ATP6V1A: variants seen among roughly 807,000 people sequenced by gnomAD.
ATP6V1A encodes ATPase H+ transporting V1 subunit A.
Under a neutral mutation model 70.1 loss-of-function variants are expected in ATP6V1A, and 18 were observed. The ratio of observed to expected loss-of-function variants is 0.26; its 90% confidence interval spans 0.18 to 0.38. ATP6V1A has a LOEUF of 0.38. Among genes scored for constraint, ATP6V1A ranks in the 10% least tolerant of loss-of-function variants. The pLI, the probability that ATP6V1A is intolerant of heterozygous loss-of-function variation, is 1.00. For missense variants in ATP6V1A, 424 were observed against 772.4 expected (o/e 0.55, Z 5.35); for synonymous variants, 232 against 253.8 (o/e 0.91, Z 0.82).
intron 1 of ATP6V1A, among the ~76,000 whole-genome samples, chr3:113,750,161 T>G (rs577629198): frequency 4.9e-4 from 74 of 152,316 alleles, no homozygotes; most frequent in African/African-American, 1.8e-3. Flanking sequence ...CTTAGGAACC[T>G]TCCTATGACA....
intron 1 of ATP6V1A, among the ~76,000 whole-genome samples, chr3:113,767,817 A>AT (rs1208293897): frequency 6.6e-6 from 1 of 151,966 alleles, no homozygotes; most frequent in Admixed American, 6.6e-5. Context: ...TGCCCAGCTA[A>AT]TGTTTTTGTA....
Position 113,810,345 on chromosome 3 carries a change from G to C in ATP6V1A, c.*918G>C, listed in dbSNP as rs1023322584. The C allele has an allele frequency of 6.6e-6, 1 of 151,676 alleles. No individual in the cohort carries two copies. Among genetic ancestry groups the C allele is most frequent in the Non-Finnish European group, 1.5e-5 (1 of 67,952 alleles). The allele number at this position is 151,676 out of a possible 1,614,324, so 9.4% of individuals were successfully genotyped here. A position where few individuals can be genotyped will look rare whatever the true frequency, so the allele number is the denominator to read the frequency against. ...GCGTGAGCCACCGCGCCTGGCCAGG[G>C]ACTATACTCTTTTTAAAATAGACAT... On this transcript the variant is annotated 3_prime_UTR_variant, in exon 15 of 15. Coordinates refer to ENST00000273398, the MANE Select transcript of ATP6V1A (RefSeq NM_001690.4).
chr3:113,794,182 A>G (rs936341924), intron 8 of ATP6V1A, among the ~76,000 whole-genome samples: 2 of 152,222 alleles, frequency 1.3e-5, no homozygotes, highest in African/African-American at 4.8e-5. Flanking sequence ...AATCTGGACA[A>G]TTAAGATATT....
At chr3:113,776,227 C>T (rs1205272920) in intron 1 of ATP6V1A, among the ~76,000 whole-genome samples, 2 of 143,122 alleles carry the variant, frequency 1.4e-5, no homozygotes, top group Non-Finnish European at 3.1e-5. Context: ...GATGTGGTGT[C>T]GTGTGCTTGT....
At position 113,805,427 on chromosome 3, in the gene ATP6V1A, G is replaced by C. The variant is rs748853283; in HGVS notation, c.1663G>C (p.Val555Leu). ...IAFYDMARRA[V>L]ETTAQSDNKI... ...ATTTTATGATATGGCTCGTAGAGCT[G>C]TTGAAACCACTGCCCAGAGTGACAA... Residue 555 changes from valine (V) to leucine (L), a missense_variant, in exon 14 of 15, where the codon GTT becomes CTT. By Grantham distance (32) the Val-to-Leu change is conservative (BLOSUM62 1). This residue lies in a region of ATP6V1A where 127 missense variants were observed against 207.9 expected (regional missense o/e 0.61). Transcript: ENST00000273398. The C allele has an allele frequency of 6.2e-7, 1 of 1,613,902 alleles. No individual in the cohort carries two copies. The highest frequency in any genetic ancestry group is 8.5e-7 in the Non-Finnish European group (1 of 1,179,850).
intron 1 of ATP6V1A, among the ~76,000 whole-genome samples, chr3:113,777,926 C>CA (rs1203522741): frequency 6.6e-6 from 1 of 152,102 alleles, no homozygotes; most frequent in Non-Finnish European, 1.5e-5. Context: ...CTGGATAAGT[C>CA]AGAGAGGTCA....
At chr3:113,806,718 C>G (rs1452043757) in intron 14 of ATP6V1A, among the ~76,000 whole-genome samples, 1 of 152,170 alleles carries the variant, frequency 6.6e-6, no homozygotes, top group Admixed American at 6.5e-5. Context: ...CCTCGGCCTC[C>G]CGAAGTGCTG....
Position 113,795,004 on chromosome 3 carries a change from T to C in ATP6V1A, c.1111+10T>C, listed in dbSNP as rs1193289212. ...GCTGAAATGCCTGCAGGTAAGTCTG[T>C]GTATTGCTTATCATGTAAACAAGAC... On this transcript the variant is annotated intron_variant, in intron 9 of 14. Transcript: ENST00000273398. The C allele has an allele frequency of 3.7e-6, 6 of 1,613,648 alleles. No individual in the cohort carries two copies. The highest frequency in any genetic ancestry group is 2.2e-5 in the East Asian group (1 of 44,886).
intron 14 of ATP6V1A, among the ~76,000 whole-genome samples, chr3:113,808,070 C>G (rs1485554411): frequency 6.8e-6 from 1 of 147,956 alleles, no homozygotes; most frequent in African/African-American, 2.5e-5. Context: ...GTGGAGGTTG[C>G]GGTGAGCTGA....
At chr3:113,767,086 C>CTTTTTTTT (rs369126041) in intron 1 of ATP6V1A, among the ~76,000 whole-genome samples, 4 of 107,840 alleles carry the variant, frequency 3.7e-5, no homozygotes, top group Non-Finnish European at 7.5e-5. Context: ...GATGTTATGT[C>CTTTTTTTT]TTTTTTTTTT....
intron 1 of ATP6V1A, among the ~76,000 whole-genome samples, chr3:113,749,348 G>T (rs1201051172): frequency 6.6e-6 from 1 of 151,662 alleles, no homozygotes; most frequent in South Asian, 2.1e-4. Flanking sequence ...AGCCTTATCA[G>T]TTTATGAGTG....
At chr3:113,789,238 G>A (rs1467848304) in intron 7 of ATP6V1A, among the ~76,000 whole-genome samples, 4 of 152,000 alleles carry the variant, frequency 2.6e-5, no homozygotes, top group Non-Finnish European at 5.9e-5. Context: ...GTAGAGACGG[G>A]GTTTCCACCA....
chr3:113,791,351 A>G (rs1199993173), intron 8 of ATP6V1A, among the ~76,000 whole-genome samples: 1 of 146,504 alleles, frequency 6.8e-6, no homozygotes, highest in Non-Finnish European at 1.5e-5. Flanking sequence ...ATCTTACTCC[A>G]TATGCCTTGA....
At chr3:113,771,452 TTTTGAGACG>T (rs1708840044) in intron 1 of ATP6V1A, among the ~76,000 whole-genome samples, 1 of 77,366 alleles carries the variant, frequency 1.3e-5, no homozygotes. Context: ...TTTTTTTTTT[TTTTGAGACG>T]GAGTCTCGCT....
At chr3:113,784,920 A>G in intron 5 of ATP6V1A, 87 bp downstream of exon 5, 1 of 1,347,848 alleles carries the variant, frequency 7.4e-7, no homozygotes, top group Non-Finnish European at 1.0e-6. Flanking sequence ...TAATTAAAGA[A>G]TTGATATTTA....
intron 14 of ATP6V1A, 54 bp from the exon 15 acceptor site, chr3:113,809,281 C>G: frequency 6.8e-7 from 1 of 1,481,208 alleles, no homozygotes; most frequent in Non-Finnish European, 9.3e-7. Flanking sequence ...ACTTAACATA[C>G]GTAATGAAAA....
At chr3:113,774,164 G>A (rs1177748705) in intron 1 of ATP6V1A, among the ~76,000 whole-genome samples, 3 of 151,610 alleles carry the variant, frequency 2.0e-5, no homozygotes, top group Non-Finnish European at 4.4e-5. Flanking sequence ...GCAGTCTACC[G>A]TAAACAGGGA....
intron 8 of ATP6V1A, among the ~76,000 whole-genome samples, chr3:113,790,722 T>G (rs1051044928): frequency 2.3e-4 from 35 of 152,240 alleles, no homozygotes; most frequent in African/African-American, 8.0e-4. Context: ...TTTCTCCATT[T>G]CTTGATTGGC....
chr3:113,809,272 C>T (rs1709314625), intron 14 of ATP6V1A, 63 bp from the exon 15 acceptor site: 8 of 1,411,856 alleles, frequency 5.7e-6, no homozygotes, highest in South Asian at 2.4e-5. Context: ...AAAAAAGTAA[C>T]TTAACATACG....
Sources: allele counts gnomAD v4.1 joint callset (sites outside exome capture counted in the v4.1 genomes callset), GRCh38; gene constraint gnomAD v4.1.1; regional missense constraint gnomAD v4.1.1; transcripts MANE v1.5; gene names NCBI Gene and HGNC (gene_info 2026-07-23, HGNC 2026-07-21).